TLR8: variants seen among roughly 807,000 people sequenced by gnomAD.
The protein encoded by TLR8 is toll-like receptor 8.
TLR8 carries 5 observed loss-of-function variants against 18.5 expected under a neutral mutation model. That is an observed-to-expected ratio of 0.27 (90% CI 0.14 to 0.57). The LOEUF is 0.57. Among genes scored for constraint, TLR8 ranks in the 20% least tolerant of loss-of-function variants. The pLI is 0.92. For synonymous variants in TLR8, 299 were observed against 300.1 expected, an observed-to-expected ratio of 1.00 and a Z score of 0.04; for missense variants, 543 against 769.8, an observed-to-expected ratio of 0.71 and a Z score of 3.49.
intron 1 of TLR8, chrX:12,910,301 A>G (rs2043012061): frequency 8.8e-7 from 1 of 1,141,953 alleles, no homozygotes; most frequent in African/African-American, 1.8e-5. Context: ...TGTTATAATC[A>G]ATAGGTTCTC....
In TLR8 at chrX:12,920,896, G is replaced by A. The variant is rs1031864000; in HGVS notation, c.1856G>A (p.Arg619His). 2.5e-6 allele frequency: 3 copies of A among 1,210,115 alleles called. No homozygotes were observed. Among genetic ancestry groups the A allele is most frequent in the Non-Finnish European group, 3.4e-6 (3 of 894,335 alleles). ...GTAGAATTAGTTTTCAGTGGCAATC[G>A]CCTTGACATTTTGTGGAATGATGAT... ...SLVELVFSGN[R>H]LDILWNDDDN... The change falls in exon 2 of 2, where the codon CGC (arginine) becomes CAC (histidine). Residue 619 changes from arginine (R) to histidine (H), a missense_variant. Coordinates refer to ENST00000218032, the MANE Select transcript of TLR8 (RefSeq NM_138636.5).
chrX:12,909,216 C>T (rs958831705), intron 1 of TLR8, among the ~76,000 whole-genome samples: 1 of 112,122 alleles, frequency 8.9e-6, no homozygotes, highest in East Asian at 2.8e-4. Context: ...CCTCGGCCTG[C>T]GGGCTGCATA....
At position 12,919,092 on chromosome X, in the gene TLR8, A is replaced by T; in HGVS notation, c.52A>T (p.Ile18Leu). Residue 18 changes from isoleucine to leucine, a missense_variant, in exon 2 of 2, where the codon ATA becomes TTA. Ile to Leu is a conservative substitution (Grantham distance 5). This residue lies in a region of TLR8 where 117 missense variants were observed against 111.0 expected (regional missense o/e 1.05). Coordinates refer to ENST00000218032, the MANE Select transcript of TLR8 (RefSeq NM_138636.5). Reference sequence around the variant, plus strand: ...AATGCTGACCTGCATTTTCCTGCTAATATCTGGTTCCTGTGAGTTATGCGC... The same window carrying T: ...AATGCTGACCTGCATTTTCCTGCTATTATCTGGTTCCTGTGAGTTATGCGC... ...SSMLTCIFLL[I>L]SGSCELCAEE... 8.3e-7 allele frequency: 1 copy of T among 1,210,672 alleles called. No homozygotes were observed. The highest frequency in any genetic ancestry group is 1.1e-6 in the Non-Finnish European group (1 of 895,005).
Position 12,922,311 on chromosome X carries a change from C to A in TLR8, c.*145C>A. The A allele has an allele frequency of 1.3e-6, 1 of 746,331 alleles. No homozygotes were observed. The highest frequency in any genetic ancestry group is 2.8e-5 in the South Asian group (1 of 36,150). 61.5% of individuals were successfully genotyped at this position (746,331 alleles called of 1,213,427 possible). ...TTGCTGGCCCACAGTTTTTGAGGGTCAGGAGTCCAGGCCCAGCATAACTGG... is the reference window on the plus strand; with the variant it reads ...TTGCTGGCCCACAGTTTTTGAGGGTAAGGAGTCCAGGCCCAGCATAACTGG... On this transcript the variant is annotated 3_prime_UTR_variant, in exon 2 of 2. Coordinates refer to ENST00000218032, the MANE Select transcript of TLR8 (RefSeq NM_138636.5).
At position 12,921,811 on chromosome X, in the gene TLR8, C is replaced by A; in HGVS notation, c.2771C>A (p.Pro924Gln). The A allele has an allele frequency of 8.3e-7, 1 of 1,211,485 alleles. No homozygotes were observed. The highest frequency in any genetic ancestry group is 1.1e-6 in the Non-Finnish European group (1 of 895,400). Reference protein sequence around the residue: ...LLCLEERDWDPGLAIIDNLMQ... With the variant: ...LLCLEERDWDQGLAIIDNLMQ... ...TGTCTAGAGGAGAGGGATTGGGACCCGGGATTGGCCATCATCGACAACCTC... is the reference window on the plus strand; with the variant it reads ...TGTCTAGAGGAGAGGGATTGGGACCAGGGATTGGCCATCATCGACAACCTC... Residue 924 changes from proline (P) to glutamine (Q), a missense_variant, in exon 2 of 2, where the codon CCG becomes CAG. Pro to Gln is a moderately conservative substitution (Grantham distance 76). Coordinates refer to ENST00000218032, the MANE Select transcript of TLR8 (RefSeq NM_138636.5).
At chrX:12,914,718 C>T (rs574314879) in intron 1 of TLR8, among the ~76,000 whole-genome samples, 1 of 111,611 alleles carries the variant, frequency 9.0e-6, no homozygotes, top group Non-Finnish European at 1.9e-5. Context: ...ATTGCCACCA[C>T]CCTAGTTCAA....
chrX:12,921,108 C>A lies in TLR8; in HGVS notation c.2068C>A (p.Leu690Ile). The change falls in exon 2 of 2, where the codon CTC becomes ATC. Residue 690 changes from leucine (L) to isoleucine (I), a missense_variant. Physicochemically the swap from Leu to Ile is conservative, Grantham distance 5. This residue lies in a region of TLR8 where 227 missense variants were observed against 312.9 expected (regional missense o/e 0.73). Transcript: ENST00000218032. ...GACATTACTCCAGCAGTTTCCTCGT[C>A]TCGAGTTGCTTGACTTACGTGGAAA... Reference protein sequence around the residue: ...NWTLLQQFPRLELLDLRGNKL... With the variant: ...NWTLLQQFPRIELLDLRGNKL... 8.3e-7 allele frequency: 1 copy of A among 1,211,410 alleles called. No individual in the cohort carries two copies. Among genetic ancestry groups the A allele is most frequent in the Non-Finnish European group, 1.1e-6 (1 of 895,311 alleles).
At chrX:12,912,011 G>A (rs757413718) in intron 1 of TLR8, among the ~76,000 whole-genome samples, 3 of 112,038 alleles carry the variant, frequency 2.7e-5, no homozygotes, top group South Asian at 7.4e-4. Flanking sequence ...GGCTTTAATC[G>A]GAGCACCCGA....
chrX:12,909,857 GT>G (rs1229837076), intron 1 of TLR8, among the ~76,000 whole-genome samples: 3 of 111,860 alleles, frequency 2.7e-5, no homozygotes, highest in East Asian at 2.8e-4. Flanking sequence ...ACTTCTTTGG[GT>G]TTTTTTGTTT....
Position 12,920,168 on chromosome X carries a change from TTA to T in TLR8, c.1130_1131del (p.Tyr377CysfsTer9). 1 of 1,211,076 alleles carries T rather than the reference TTA, an allele frequency of 8.3e-7. No individual in the cohort carries two copies. The highest frequency in any genetic ancestry group is 1.1e-6 in the Non-Finnish European group (1 of 895,054). On this transcript the variant is annotated frameshift_variant, in exon 2 of 2. Transcript: ENST00000218032. LOFTEE classifies it low-confidence loss of function (END_TRUNC). Reference sequence around the variant, plus strand: ...CTCTACGGGCATTGCATTTAAGAGGTTATGTGTTCCAGGAACTCAGAGAAGAT... The same window carrying T: ...CTCTACGGGCATTGCATTTAAGAGGTTGTGTTCCAGGAACTCAGAGAAGAT... ...LSLRALHLRG[Y>X]VFQELREDDF...
In TLR8 at chrX:12,919,841, C is replaced by T. The variant is rs1602456097; in HGVS notation, c.801C>T (p.Cys267=). 4.1e-6 allele frequency: 5 copies of T among 1,211,008 alleles called. No homozygotes were observed. In the East Asian group the frequency reaches 1.5e-4, roughly 36 times the overall value. The change falls in exon 2 of 2, where the codon TGC becomes TGT. Residue 267 remains cysteine (C), a synonymous_variant. Coordinates refer to ENST00000218032, the MANE Select transcript of TLR8 (RefSeq NM_138636.5). ...GGTGCTTCAATGCCCCATTTCCATG[C>T]GTGCCTTGTGATGGTGGTGCTTCAA... The part of the protein sequence containing the change: ...CPRCFNAPFP[C]VPCDGGASIN...
In TLR8 at chrX:12,919,828, C is replaced by T; in HGVS notation, c.788C>T (p.Ala263Val). ...LSGNCPRCFNAPFPCVPCDGG... is the reference protein window; with the variant it reads ...LSGNCPRCFNVPFPCVPCDGG... ...GGGAACTGTCCGAGGTGCTTCAATG[C>T]CCCATTTCCATGCGTGCCTTGTGAT... Residue 263 changes from alanine (A) to valine (V), a missense_variant, in exon 2 of 2, where the codon GCC becomes GTC. By Grantham distance (64) the Ala-to-Val change is moderately conservative (BLOSUM62 0). This residue lies in a region of TLR8 where 185 missense variants were observed against 298.9 expected (regional missense o/e 0.62). Transcript: ENST00000218032. The T allele has an allele frequency of 8.3e-7, 1 of 1,210,606 alleles. No homozygotes were observed. The highest frequency in any genetic ancestry group is 1.1e-6 in the Non-Finnish European group (1 of 894,430).
intron 1 of TLR8, among the ~76,000 whole-genome samples, chrX:12,918,664 G>T (rs1456962765): frequency 9.0e-6 from 1 of 111,024 alleles, no homozygotes; most frequent in Non-Finnish European, 1.9e-5. Flanking sequence ...CTCCCGAGTA[G>T]TTGGGACTAC....
intron 1 of TLR8, among the ~76,000 whole-genome samples, chrX:12,912,196 C>A (rs1209198848): frequency 3.6e-5 from 4 of 111,880 alleles, no homozygotes; most frequent in Non-Finnish European, 7.5e-5. Context: ...TTGCATATTT[C>A]TCTTCTGCCA....
chrX:12,907,868 T>G (rs1217137743), intron 1 of TLR8, among the ~76,000 whole-genome samples: 1 of 111,579 alleles, frequency 9.0e-6, no homozygotes, highest in East Asian at 2.8e-4. Flanking sequence ...ATTATGGATC[T>G]TGAAGGTAAA....
chrX:12,917,590 A>C (rs541838043), intron 1 of TLR8, among the ~76,000 whole-genome samples: 2 of 112,308 alleles, frequency 1.8e-5, no homozygotes, highest in Non-Finnish European at 3.8e-5. Flanking sequence ...GAGTTCTCTT[A>C]ATTACAACCC....
Position 12,909,039 on chromosome X carries a change from G to A in TLR8, c.3+2330G>A, listed in dbSNP as rs768903389. Among the ~76,000 whole-genome samples the A allele has an allele frequency of 3.6e-5, 4 of 112,034 alleles. No individual in the cohort carries two copies. In the East Asian group the frequency reaches 1.1e-3, roughly 31 times the overall value. On this transcript the variant is annotated intron_variant, in intron 1 of 1. Transcript: ENST00000218032. ...TTTGAAACGCAGTTGGACATTATTT[G>A]TAAGTGCATCATAGTGTCGCCTCCA... is the stretch of plus-strand genomic sequence containing the variant.
intron 1 of TLR8, among the ~76,000 whole-genome samples, chrX:12,916,575 C>T (rs1159976810): frequency 1.8e-5 from 2 of 112,208 alleles, no homozygotes; most frequent in Admixed American, 1.9e-4. Flanking sequence ...GCTGCCTCTG[C>T]AGGAGCTCCA....
Position 12,919,027 on chromosome X carries a change from C to T in TLR8, c.4-17C>T, listed in dbSNP as rs1438458858. The T allele has an allele frequency of 8.4e-7, 1 of 1,186,919 alleles. No individual in the cohort carries two copies. The highest frequency in any genetic ancestry group is 1.1e-6 in the Non-Finnish European group (1 of 883,380). On this transcript the variant is annotated splice_polypyrimidine_tract_variant and intron_variant, in intron 1 of 1. Coordinates refer to ENST00000218032, the MANE Select transcript of TLR8 (RefSeq NM_138636.5). Reference sequence around the variant, plus strand: ...CTGCTACTCTAATACTGTGCTTCCACTTTTGATTTTCCTTAGGAAAACATG... The same window carrying T: ...CTGCTACTCTAATACTGTGCTTCCATTTTTGATTTTCCTTAGGAAAACATG...
Sources: gnomAD v4.1 joint callset for allele counts (sites outside exome capture counted in the v4.1 genomes callset) on GRCh38, gnomAD v4.1.1 for gene constraint, gnomAD v4.1.1 regional missense constraint, MANE v1.5 for transcripts, NCBI Gene and HGNC (gene_info 2026-07-23, HGNC 2026-07-21) for gene names.